The following CCNY variants were observed in gnomAD, a reference collection of about 807,000 sequenced individuals.
The protein encoded by CCNY is cyclin-Y.
A neutral mutation model predicts 42.8 loss-of-function variants in CCNY; 19 were observed. That is an observed-to-expected ratio of 0.44 (90% CI 0.31 to 0.65). CCNY has a LOEUF of 0.65. Ranked by LOEUF, CCNY falls within the 30% of genes least tolerant of loss-of-function variation. CCNY has a pLI of 0.07. For synonymous variants in CCNY, 165 were observed against 162.7 expected, an observed-to-expected ratio of 1.01 and a Z score of -0.11; for missense variants, 370 against 437.3, an observed-to-expected ratio of 0.85 and a Z score of 1.37.
chr10:35,466,171 A>G (rs114757279), intron 1 of CCNY, among the ~76,000 whole-genome samples: 3,368 of 152,196 alleles, frequency 0.022, 131 homozygotes, highest in African/African-American at 0.077. Flanking sequence ...TTATAGGGAT[A>G]TAAGAAGTAC....
intron 1 of CCNY, among the ~76,000 whole-genome samples, chr10:35,359,252 G>A (rs953404783): frequency 6.6e-6 from 1 of 152,126 alleles, no homozygotes; most frequent in Non-Finnish European, 1.5e-5. Flanking sequence ...ATGCTGTTGT[G>A]TGAATCAGGC....
At chr10:35,273,670 A>G (rs112533253) in intron 3 of CCNY, among the ~76,000 whole-genome samples, 5,393 of 152,198 alleles carry the variant, frequency 0.035, 299 homozygotes, top group African/African-American at 0.12. Context: ...CTCTGCCCAC[A>G]GGGTTACTTG....
At chr10:35,350,558 T>C (rs1234889815) in intron 1 of CCNY, among the ~76,000 whole-genome samples, 2 of 152,196 alleles carry the variant, frequency 1.3e-5, no homozygotes, top group Non-Finnish European at 2.9e-5. Context: ...GTTTGAAATC[T>C]CAGCTGCAGC....
At chr10:35,443,624 T>A (rs1049628001) in intron 1 of CCNY, among the ~76,000 whole-genome samples, 9 of 152,196 alleles carry the variant, frequency 5.9e-5, no homozygotes, top group Non-Finnish European at 5.9e-5. Context: ...TAGCCTCTCT[T>A]AGAAGCAAAA....
At chr10:35,555,357 G>T (rs1413530282) in intron 8 of CCNY, among the ~76,000 whole-genome samples, 1 of 152,128 alleles carries the variant, frequency 6.6e-6, no homozygotes, top group Non-Finnish European at 1.5e-5. Flanking sequence ...TAAATAAAAA[G>T]ATAGGAGGGT....
intron 1 of CCNY, among the ~76,000 whole-genome samples, chr10:35,465,758 C>T (rs573572049): frequency 1.3e-5 from 2 of 152,274 alleles, no homozygotes; most frequent in East Asian, 3.9e-4. Context: ...AAATAAAAAT[C>T]CAGCTCTGCG....
intron 3 of CCNY, among the ~76,000 whole-genome samples, chr10:35,306,248 T>G (rs1169656642): frequency 6.6e-6 from 1 of 152,144 alleles, no homozygotes; most frequent in Non-Finnish European, 1.5e-5. Flanking sequence ...TTGGCCAGGT[T>G]GGTCTTGAAC....
intron 3 of CCNY, among the ~76,000 whole-genome samples, chr10:35,266,117 C>T (rs962985001): frequency 2.0e-5 from 3 of 151,716 alleles, no homozygotes; most frequent in African/African-American, 4.8e-5. Flanking sequence ...TTGCTCTGTC[C>T]CCCAGGCTGG....
intron 1 of CCNY, among the ~76,000 whole-genome samples, chr10:35,441,274 G>A (rs115858759): frequency 9.8e-4 from 149 of 152,352 alleles, no homozygotes; most frequent in African/African-American, 3.2e-3. Flanking sequence ...AGCAGAAGCA[G>A]TCTTCTTTGA....
intron 1 of CCNY, among the ~76,000 whole-genome samples, chr10:35,426,887 T>G (rs981754801): frequency 6.6e-6 from 1 of 152,234 alleles, no homozygotes; most frequent in Non-Finnish European, 1.5e-5. Flanking sequence ...CATATCACAA[T>G]AGGCCTTGTG....
chr10:35,329,127 T>C (rs1212044596), intron 3 of CCNY, among the ~76,000 whole-genome samples: 1 of 152,254 alleles, frequency 6.6e-6, no homozygotes, highest in Non-Finnish European at 1.5e-5. Context: ...ATGTAAACTT[T>C]CTAAGATGTC....
intron 1 of CCNY, among the ~76,000 whole-genome samples, chr10:35,343,411 C>T (rs1458807512): frequency 2.4e-4 from 12 of 49,454 alleles, no homozygotes; most frequent in Non-Finnish European, 3.4e-4. Flanking sequence ...TTTTTTGAAA[C>T]GGAGTTTCGC....
upstream of CCNY, among the ~76,000 whole-genome samples, chr10:35,334,766 G>A (rs1377385730): frequency 3.3e-5 from 5 of 152,224 alleles, no homozygotes; most frequent in African/African-American, 1.2e-4. Flanking sequence ...AGTACTTTGA[G>A]AGGGAGGGAA....
chr10:35,517,393 A>G (rs1470440187), intron 4 of CCNY, among the ~76,000 whole-genome samples: 1 of 152,208 alleles, frequency 6.6e-6, no homozygotes, highest in African/African-American at 2.4e-5. Context: ...GCTCAGTTTT[A>G]AAAAATCTGA....
chr10:35,255,901 T>C (rs1422256211), intron 3 of CCNY, among the ~76,000 whole-genome samples: 1 of 152,212 alleles, frequency 6.6e-6, no homozygotes, highest in African/African-American at 2.4e-5. Context: ...AGCCATATAA[T>C]TATTAAATCT....
chr10:35,393,676 T>G (rs1837462480), intron 1 of CCNY, among the ~76,000 whole-genome samples: 1 of 152,182 alleles, frequency 6.6e-6, no homozygotes, highest in Admixed American at 6.5e-5. Flanking sequence ...GCTTTAGAGC[T>G]TCTTTGCATT....
intron 1 of CCNY, among the ~76,000 whole-genome samples, chr10:35,400,480 C>T (rs372407855): frequency 3.3e-5 from 5 of 152,218 alleles, no homozygotes; most frequent in Admixed American, 6.5e-5. Flanking sequence ...TTGGATTACC[C>T]GAAGTAACCT....
chr10:35,363,930 C>T (rs1193080326), intron 1 of CCNY, among the ~76,000 whole-genome samples: 2 of 152,160 alleles, frequency 1.3e-5, no homozygotes, highest in Non-Finnish European at 2.9e-5. Flanking sequence ...GAAAGATTGG[C>T]TCTGAGGAGG....
intron 3 of CCNY, among the ~76,000 whole-genome samples, chr10:35,286,201 T>C (rs950352748): frequency 6.6e-6 from 1 of 152,180 alleles, no homozygotes; most frequent in African/African-American, 2.4e-5. Context: ...TTTGGGATTA[T>C]GTGACTATTT....
Sources: allele counts gnomAD v4.1 joint callset (sites outside exome capture counted in the v4.1 genomes callset), GRCh38; gene constraint gnomAD v4.1.1; transcripts MANE v1.5; gene names NCBI Gene and HGNC (gene_info 2026-07-23, HGNC 2026-07-21).